The following HMGCLL1 variants were observed in gnomAD, a reference collection of about 807,000 sequenced individuals.
HMGCLL1 encodes 3-hydroxy-3-methylglutaryl-CoA lyase like 1, also known as 3-hydroxymethyl-3-methylglutaryl-CoA lyase, cytoplasmic.
In HMGCLL1, 36 loss-of-function variants were observed where a neutral mutation model predicts 39.1. The observed-to-expected ratio is 0.92, with a 90% CI of 0.71 to 1.22. HMGCLL1 has a LOEUF of 1.22. HMGCLL1 is among the 50% of genes most tolerant of loss of function. The pLI is 0.00. For synonymous variants in HMGCLL1, 149 were observed against 144.0 expected (o/e 1.03, Z -0.25); for missense variants, 451 against 416.5 (o/e 1.08, Z -0.72).
chr6:55,456,918 G>A (rs1764348887), intron 7 of HMGCLL1, among the ~76,000 whole-genome samples: 1 of 152,200 alleles, frequency 6.6e-6, no homozygotes, highest in Non-Finnish European at 1.5e-5. Flanking sequence ...CAGCAACTCA[G>A]TTGGTGAGCA....
At chr6:55,568,959 A>G (rs1771342870) in intron 1 of HMGCLL1, among the ~76,000 whole-genome samples, 1 of 152,070 alleles carries the variant, frequency 6.6e-6, no homozygotes, top group South Asian at 2.1e-4. Flanking sequence ...AGCATAAAGA[A>G]AGCCAGAAGA....
At chr6:55,644,889 G>A in the HMGCLL1 span, among the ~76,000 whole-genome samples, 1 of 151,934 alleles carries the variant, frequency 6.6e-6, no homozygotes, top group Non-Finnish European at 1.5e-5. Context: ...TGGGTCTCCT[G>A]TGACTCCACA....
intron 7 of HMGCLL1, among the ~76,000 whole-genome samples, chr6:55,471,728 G>A (rs1180288888): frequency 3.3e-5 from 5 of 151,128 alleles, no homozygotes; most frequent in Admixed American, 6.6e-5. Flanking sequence ...ATATAGAGAA[G>A]AGCACAAATC....
At chr6:55,465,333 A>C (rs959389684) in intron 7 of HMGCLL1, among the ~76,000 whole-genome samples, 1 of 152,080 alleles carries the variant, frequency 6.6e-6, no homozygotes, top group Non-Finnish European at 1.5e-5. Context: ...TCACACACCC[A>C]AAATCAGTTA....
intron 5 of HMGCLL1, among the ~76,000 whole-genome samples, chr6:55,505,062 T>A (rs1767082643): frequency 1.3e-5 from 2 of 151,684 alleles, no homozygotes; most frequent in African/African-American, 4.8e-5. Flanking sequence ...TTGTTTTATT[T>A]GTATTTGTGC....
At chr6:55,658,899 C>G in the HMGCLL1 span, among the ~76,000 whole-genome samples, 1 of 151,824 alleles carries the variant, frequency 6.6e-6, no homozygotes, top group Non-Finnish European at 1.5e-5. Context: ...AGCACAGCGA[C>G]CCAGACTGGG....
At chr6:55,481,523 T>C (rs755262959) in intron 7 of HMGCLL1, among the ~76,000 whole-genome samples, 11 of 151,874 alleles carry the variant, frequency 7.2e-5, no homozygotes, top group Non-Finnish European at 1.2e-4. Context: ...CATAAATATA[T>C]ATAACTACTA....
chr6:55,633,332 T>C, the HMGCLL1 span, among the ~76,000 whole-genome samples: 3 of 151,804 alleles, frequency 2.0e-5, no homozygotes, highest in Non-Finnish European at 2.9e-5. Flanking sequence ...TAGTCAAATA[T>C]GGTTGGGCTA....
rs781103945 is a variant in HMGCLL1 at position 55,541,784 on chromosome 6, G to T, written c.242C>A (p.Thr81Asn). ...AGTCACTTCTATTACAGACAAGCCAGTTTGGGAAAGTCGATTGATAAATTC... is the reference window on the plus strand; with the variant it reads ...AGTCACTTCTATTACAGACAAGCCATTTTGGGAAAGTCGATTGATAAATTC... ...KIEFINRLSQTGLSVIEVTSF... is the reference protein window; with the variant it reads ...KIEFINRLSQNGLSVIEVTSF... Residue 81 changes from threonine (T) to asparagine (N), a missense_variant, in exon 3 of 9, where the codon ACT (threonine) becomes AAT (asparagine). Coordinates refer to ENST00000274901, the MANE Select transcript of HMGCLL1 (RefSeq NM_001042406.2). The T allele has an allele frequency of 1.1e-5, 17 of 1,610,202 alleles. No individual in the cohort carries two copies. The highest frequency in any genetic ancestry group is 1.4e-5 in the Non-Finnish European group (17 of 1,177,824).
the HMGCLL1 span, among the ~76,000 whole-genome samples, chr6:55,644,260 T>C: frequency 9.2e-4 from 140 of 152,194 alleles, no homozygotes; most frequent in Non-Finnish European, 1.7e-3. Flanking sequence ...TTTTTTCCTA[T>C]AAAGTTGTTT....
chr6:55,627,963 T>TATATACTATATATATA, the HMGCLL1 span, among the ~76,000 whole-genome samples: 12 of 654 alleles, frequency 0.018, 2 homozygotes, highest in Non-Finnish European at 0.023. Context: ...ATATATATAA[T>TATATACTATATATATA]ATATATATAG....
upstream of HMGCLL1, among the ~76,000 whole-genome samples, chr6:55,579,919 C>G (rs1280540877): frequency 2.6e-5 from 4 of 152,182 alleles, no homozygotes. Context: ...ACCTTCCCCC[C>G]CTCACTTTCA....
chr6:55,441,479 A>T (rs1763595624), intron 7 of HMGCLL1, among the ~76,000 whole-genome samples: 2 of 152,136 alleles, frequency 1.3e-5, no homozygotes, highest in Admixed American at 1.3e-4. Context: ...TAAAGAACAC[A>T]TGTTGGCAAG....
chr6:55,500,722 G>A (rs1766840362), intron 5 of HMGCLL1, among the ~76,000 whole-genome samples: 1 of 151,946 alleles, frequency 6.6e-6, no homozygotes, highest in South Asian at 2.1e-4. Flanking sequence ...TAGATAATCT[G>A]TACATTTAAT....
chr6:55,637,465 T>G, the HMGCLL1 span, among the ~76,000 whole-genome samples: 9 of 152,190 alleles, frequency 5.9e-5, no homozygotes, highest in Non-Finnish European at 1.3e-4. Flanking sequence ...TTATTTGCTT[T>G]CTTAATGTTT....
At chr6:55,632,608 G>A in the HMGCLL1 span, among the ~76,000 whole-genome samples, 1 of 151,694 alleles carries the variant, frequency 6.6e-6, no homozygotes, top group Non-Finnish European at 1.5e-5. Flanking sequence ...ACTTACATCA[G>A]TTTAATATTT....
At chr6:55,625,497 A>G in the HMGCLL1 span, among the ~76,000 whole-genome samples, 8 of 152,182 alleles carry the variant, frequency 5.3e-5, no homozygotes, top group Non-Finnish European at 1.0e-4. Flanking sequence ...AGAGAAGACT[A>G]GAGCCTGGTT....
intron 7 of HMGCLL1, among the ~76,000 whole-genome samples, chr6:55,453,304 C>G (rs1764182106): frequency 6.6e-6 from 1 of 152,068 alleles, no homozygotes; most frequent in Admixed American, 6.6e-5. Flanking sequence ...TCAGCCTTAC[C>G]AGCAGCTGGG....
At position 55,578,973 on chromosome 6, in the gene HMGCLL1, A is replaced by G; in HGVS notation, c.83T>C (p.Val28Ala). 6.2e-7 allele frequency: 1 copy of G among 1,613,432 alleles called. No individual in the cohort carries two copies. The highest frequency in any genetic ancestry group is 1.1e-5 in the South Asian group (1 of 90,860). The change falls in exon 1 of 9, where the codon GTG (valine) becomes GCG (alanine). Residue 28 changes from valine to alanine, a missense_variant. Physicochemically the swap from Val to Ala is moderately conservative, Grantham distance 64. Transcript: ENST00000274901. ...LREHLWIGDS[V>A]AGALDPAQET... ...CTGCGCGGGGTCGAGCGCCCCTGCC[A>G]CTGAATCCCCGATCCAGAGATGCTC... is the stretch of plus-strand genomic sequence containing the variant.
Sources: gnomAD v4.1 joint callset for allele counts (sites outside exome capture counted in the v4.1 genomes callset) on GRCh38, gnomAD v4.1.1 for gene constraint, MANE v1.5 for transcripts, NCBI Gene and HGNC (gene_info 2026-07-23, HGNC 2026-07-21) for gene names.